ELOVL6: variants seen among roughly 807,000 people sequenced by gnomAD.
ELOVL6 encodes ELOVL fatty acid elongase 6.
In ELOVL6, 8 loss-of-function variants were observed where a neutral mutation model predicts 31.7. That is an observed-to-expected ratio of 0.25 (90% CI 0.15 to 0.45). ELOVL6 has a LOEUF of 0.45. ELOVL6 is among the 20% of genes least tolerant of loss of function. ELOVL6 has a pLI of 1.00. For missense variants in ELOVL6, 126 were observed against 326.4 expected (o/e 0.39, Z 4.73); for synonymous variants, 101 against 117.7 (o/e 0.86, Z 0.92).
At chr4:110,198,834 A>T (rs1201110866), upstream of ELOVL6, 1 of 153,184 alleles carries the variant, frequency 6.5e-6, no homozygotes, top group Admixed American at 6.5e-5. Context: ...AGATCCCCTA[A>T]GCCCAACCTC....
rs191499154 is a variant in ELOVL6, at chr4:110,120,462, T to G, written c.90-14834A>C. ...GATGTCTGAGTGTGATAACAATAGT[T>G]AAAAAGTATTACTGAATATCCATGG... On this transcript the variant is annotated intron_variant, in intron 1 of 3. Transcript: ENST00000302274. Among the ~76,000 whole-genome samples, 469 of 152,280 alleles carry G rather than the reference T, an allele frequency of 3.1e-3. 1 individual carries two copies. Among genetic ancestry groups the G allele is most frequent in the African/African-American group, 0.011 (446 of 41,554 alleles).
chr4:110,194,660 G>A (rs907556252), intron 1 of ELOVL6, among the ~76,000 whole-genome samples: 8 of 152,148 alleles, frequency 5.3e-5, no homozygotes, highest in Admixed American at 3.3e-4. Flanking sequence ...CCATTAACAC[G>A]TGCTATGGTT....
At chr4:110,160,113 AACAC>A (rs59669268) in intron 1 of ELOVL6, among the ~76,000 whole-genome samples, 24 of 149,412 alleles carry the variant, frequency 1.6e-4, no homozygotes, top group East Asian at 3.9e-4. Flanking sequence ...CACACACACA[AACAC>A]ACACACACAC....
chr4:110,138,342 C>G (rs1293531280), intron 1 of ELOVL6, among the ~76,000 whole-genome samples: 1 of 152,108 alleles, frequency 6.6e-6, no homozygotes, highest in East Asian at 1.9e-4. Context: ...TTCTTATCTG[C>G]CAGATCCTAC....
At chr4:110,180,632 G>C (rs58201679) in intron 1 of ELOVL6, among the ~76,000 whole-genome samples, 11,779 of 152,194 alleles carry the variant, frequency 0.077, 765 homozygotes, top group African/African-American at 0.15. Flanking sequence ...CAAACTCCTG[G>C]AATCAAGCAA....
In ELOVL6 at chr4:110,084,410, C is replaced by T. The variant is rs1384160836; in HGVS notation, c.221+21087G>A. On this transcript the variant is annotated intron_variant, in intron 2 of 3. Coordinates refer to ENST00000302274, the MANE Select transcript of ELOVL6 (RefSeq NM_024090.3). ...CGCATATATGATATATGATATATGA[C>T]ATACATGATATATCACATATATCAT... is the stretch of plus-strand genomic sequence containing the variant. Among the ~76,000 whole-genome samples, 140 of 24,754 alleles carry T rather than the reference C, an allele frequency of 5.7e-3. 18 individuals carry two copies. The highest frequency in any genetic ancestry group is 0.013 in the African/African-American group (133 of 10,464). The allele number at this position is 24,754 out of a possible 152,430, so 16.2% of individuals were successfully genotyped here. A position where few individuals can be genotyped will look rare whatever the true frequency, so the allele number is the denominator to read the frequency against.
intron 1 of ELOVL6, among the ~76,000 whole-genome samples, chr4:110,105,871 T>C (rs954288660): frequency 2.0e-5 from 3 of 152,246 alleles, no homozygotes; most frequent in African/African-American, 7.2e-5. Context: ...ATATTTCCTT[T>C]GTAGGCTCTA....
At chr4:110,182,948 A>G (rs1181627816) in intron 1 of ELOVL6, among the ~76,000 whole-genome samples, 1 of 152,130 alleles carries the variant, frequency 6.6e-6, no homozygotes, top group Non-Finnish European at 1.5e-5. Context: ...AAGGATAAGG[A>G]GTAAACTCTG....
In ELOVL6 at chr4:110,110,868, T is replaced by A. The variant is rs1757014413; in HGVS notation, c.90-5240A>T. Among the ~76,000 whole-genome samples, 3 of 152,222 alleles carry A rather than the reference T, an allele frequency of 2.0e-5. No homozygotes were observed. In the South Asian group the frequency reaches 6.2e-4, roughly 32 times the overall value. The stretch of plus-strand genomic sequence containing the variant: ...TCCTTATTCTTATTCCAAGCTGTTG[T>A]GTATGACCAAGGATACCAACTAAGG... On this transcript the variant is annotated intron_variant, in intron 1 of 3. Coordinates refer to ENST00000302274, the MANE Select transcript of ELOVL6 (RefSeq NM_024090.3).
At chr4:110,151,484 G>T (rs1233151305) in intron 1 of ELOVL6, among the ~76,000 whole-genome samples, 2 of 152,148 alleles carry the variant, frequency 1.3e-5, no homozygotes, top group Non-Finnish European at 2.9e-5. Context: ...TCTGATTTCA[G>T]ATTTTCAGAT....
chr4:110,198,107 A>C, intron 1 of ELOVL6, 140 bp downstream of exon 1: 64 of 444,150 alleles, frequency 1.4e-4, no homozygotes, highest in East Asian at 3.6e-4. Context: ...TGCACCCGGG[A>C]GACCCGAGAA....
At chr4:110,085,026 T>A (rs545459694) in intron 2 of ELOVL6, among the ~76,000 whole-genome samples, 1 of 152,150 alleles carries the variant, frequency 6.6e-6, no homozygotes, top group Admixed American at 6.5e-5. Context: ...GTGTATTGAT[T>A]AAGTTGTGGT....
intron 2 of ELOVL6, among the ~76,000 whole-genome samples, chr4:110,079,724 G>T (rs565484619): frequency 1.2e-4 from 18 of 152,182 alleles, no homozygotes; most frequent in African/African-American, 4.3e-4. Flanking sequence ...CAGAAGGCAA[G>T]AAATAACTAA....
intron 1 of ELOVL6, among the ~76,000 whole-genome samples, chr4:110,124,567 G>A (rs1423499082): frequency 6.6e-6 from 1 of 152,170 alleles, no homozygotes; most frequent in South Asian, 2.1e-4. Flanking sequence ...CAGGGAGTTA[G>A]GGGAGGGAGA....
chr4:110,154,243 A>ATATTT (rs1367053558), intron 1 of ELOVL6, among the ~76,000 whole-genome samples: 4 of 151,908 alleles, frequency 2.6e-5, no homozygotes, highest in Non-Finnish European at 5.9e-5. Context: ...CACCCAGCTA[A>ATATTT]TATTTTATTT....
At chr4:110,094,235 C>G (rs1243401883) in intron 2 of ELOVL6, among the ~76,000 whole-genome samples, 1 of 140,772 alleles carries the variant, frequency 7.1e-6, no homozygotes, top group Non-Finnish European at 1.5e-5. Context: ...GGCAATAGAG[C>G]TAAACTCCAT....
chr4:110,067,265 G>T (rs1755332223), intron 2 of ELOVL6, among the ~76,000 whole-genome samples: 1 of 152,078 alleles, frequency 6.6e-6, no homozygotes. Flanking sequence ...TCTTAAATCA[G>T]ATACCTCCAT....
In ELOVL6 at chr4:110,106,129, G is replaced by C. The variant is rs147791069; in HGVS notation, c.90-501C>G. On this transcript the variant is annotated intron_variant, in intron 1 of 3. Transcript: ENST00000302274. The stretch of plus-strand genomic sequence containing the variant: ...CCCAGCACTTTGGGAGGCAGAGGTG[G>C]GTGGATCACTTTAGGCCAGGAGTTT... 1.9e-3 allele frequency among the ~76,000 whole-genome samples: 292 copies of C among 152,256 alleles called. 1 individual carries two copies. The highest frequency in any genetic ancestry group is 6.7e-3 in the African/African-American group (277 of 41,566).
chr4:110,058,991 C>T lies in ELOVL6; in HGVS notation c.373+612G>A, dbSNP rs74356770. ...TTTCTGGTAACCTGTGCCACACTTACATTCAAGACCATTCAAGGGTTGAGG... is the reference window on the plus strand; with the variant it reads ...TTTCTGGTAACCTGTGCCACACTTATATTCAAGACCATTCAAGGGTTGAGG... On this transcript the variant is annotated intron_variant, in intron 3 of 3. Coordinates refer to ENST00000302274, the MANE Select transcript of ELOVL6 (RefSeq NM_024090.3). Among the ~76,000 whole-genome samples, 1,137 of 152,324 alleles carry T rather than the reference C, an allele frequency of 7.5e-3. 17 individuals are homozygous for T. The highest frequency in any genetic ancestry group is 0.026 in the African/African-American group (1,080 of 41,572).
Sources: gnomAD v4.1 joint callset for allele counts (sites outside exome capture counted in the v4.1 genomes callset) on GRCh38, gnomAD v4.1.1 for gene constraint, MANE v1.5 for transcripts, NCBI Gene and HGNC (gene_info 2026-07-23, HGNC 2026-07-21) for gene names.